GNAO1: variants seen among roughly 807,000 people sequenced by gnomAD.
GNAO1 encodes G protein subunit alpha o1, also known as guanine nucleotide-binding protein G(o) subunit alpha.
For missense variants in GNAO1, 166 were observed against 478.7 expected (o/e 0.35, Z 6.10); for synonymous variants, 164 against 180.7 (o/e 0.91, Z 0.74).
intron 2 of GNAO1, among the ~76,000 whole-genome samples, chr16:56,252,715 AC>A (rs2036810544): frequency 6.6e-6 from 1 of 151,968 alleles, no homozygotes; most frequent in Non-Finnish European, 1.5e-5. Context: ...GCTCATCCAC[AC>A]CCCCACATCA....
intron 3 of GNAO1, among the ~76,000 whole-genome samples, chr16:56,299,379 G>A (rs1255086673): frequency 6.6e-6 from 1 of 152,248 alleles, no homozygotes; most frequent in Non-Finnish European, 1.5e-5. Context: ...CCTCCGATCT[G>A]CTGCGTCTAA....
chr16:56,343,973 C>T, intron 6 of GNAO1: 1 of 1,608,770 alleles, frequency 6.2e-7, no homozygotes, highest in Non-Finnish European at 8.5e-7. Context: ...TGCCCGGCAC[C>T]CTTGCCCTGC....
intron 2 of GNAO1, among the ~76,000 whole-genome samples, chr16:56,196,362 T>C (rs1320630403): frequency 6.6e-6 from 1 of 152,212 alleles, no homozygotes; most frequent in Admixed American, 6.5e-5. Flanking sequence ...CCTCATCATT[T>C]TGTAGTCAGT....
At chr16:56,317,065 A>G (rs2037518719) in intron 3 of GNAO1, among the ~76,000 whole-genome samples, 1 of 152,204 alleles carries the variant, frequency 6.6e-6, no homozygotes, top group African/African-American at 2.4e-5. Flanking sequence ...CTTCTCAGTC[A>G]TTGGAAGATC....
intron 2 of GNAO1, among the ~76,000 whole-genome samples, chr16:56,231,360 T>C (rs1196084470): frequency 6.6e-6 from 1 of 152,212 alleles, no homozygotes; most frequent in East Asian, 1.9e-4. Flanking sequence ...CACCCTGTCT[T>C]AAATAGCAGT....
chr16:56,269,567 A>T (rs1464796395), intron 2 of GNAO1, among the ~76,000 whole-genome samples: 1 of 152,200 alleles, frequency 6.6e-6, no homozygotes, highest in Non-Finnish European at 1.5e-5. Flanking sequence ...CCAGGAACAG[A>T]TGCGGAAACA....
Position 56,192,301 on chromosome 16 carries a change from C to T in GNAO1, c.66C>T (p.Asn22=), listed in dbSNP as rs1215228286. 2 of 1,611,756 alleles carry T rather than the reference C, an allele frequency of 1.2e-6. No homozygotes were observed. The highest frequency in any genetic ancestry group is 1.1e-5 in the South Asian group (1 of 90,992). ...ALERSKAIEK[N]LKEDGISAAK... ...AGCGGAGCAAGGCGATTGAGAAAAACCTCAAAGAGGATGGCATCAGCGCCG... is the reference window on the plus strand; with the variant it reads ...AGCGGAGCAAGGCGATTGAGAAAAATCTCAAAGAGGATGGCATCAGCGCCG... The change falls in exon 1 of 9, where the codon AAC becomes AAT. Residue 22 remains asparagine, a synonymous_variant. Coordinates refer to ENST00000262493, the MANE Select transcript of GNAO1 (RefSeq NM_020988.3).
At chr16:56,305,314 A>G (rs9927506) in intron 3 of GNAO1, among the ~76,000 whole-genome samples, 5,132 of 152,348 alleles carry the variant, frequency 0.034, 221 homozygotes, top group African/African-American at 0.09. Context: ...ACAGTCATCA[A>G]GGAAACAAAC....
At chr16:56,196,588 G>A (rs1468542663) in intron 2 of GNAO1, among the ~76,000 whole-genome samples, 2 of 152,160 alleles carry the variant, frequency 1.3e-5, no homozygotes, top group Non-Finnish European at 2.9e-5. Context: ...AATGGACTGC[G>A]GAATTGCTCT....
chr16:56,256,817 C>T (rs1202316622), intron 2 of GNAO1, among the ~76,000 whole-genome samples: 1 of 151,736 alleles, frequency 6.6e-6, no homozygotes, highest in Non-Finnish European at 1.5e-5. Flanking sequence ...CACTAACACT[C>T]CCCATTACTC....
chr16:56,220,287 C>T (rs1381225262), intron 2 of GNAO1, among the ~76,000 whole-genome samples: 1 of 152,170 alleles, frequency 6.6e-6, no homozygotes, highest in Non-Finnish European at 1.5e-5. Flanking sequence ...CCCACGTATG[C>T]TGTTTCCTCC....
At chr16:56,297,972 C>T (rs1364165612) in intron 3 of GNAO1, among the ~76,000 whole-genome samples, 1 of 151,892 alleles carries the variant, frequency 6.6e-6, no homozygotes, top group Non-Finnish European at 1.5e-5. Context: ...AGTTTGAGAC[C>T]AGCCTGGGAA....
At chr16:56,336,049 T>C (rs2037737129) in intron 5 of GNAO1, among the ~76,000 whole-genome samples, 1 of 152,146 alleles carries the variant, frequency 6.6e-6, no homozygotes, top group Non-Finnish European at 1.5e-5. Flanking sequence ...CTCTGGGGAT[T>C]GGGGTGGGAG....
chr16:56,292,255 A>G (rs748745913), intron 3 of GNAO1, among the ~76,000 whole-genome samples: 4 of 152,210 alleles, frequency 2.6e-5, no homozygotes, highest in Non-Finnish European at 4.4e-5. Flanking sequence ...CCCTGTGCCC[A>G]CGTGCTGGAT....
intron 2 of GNAO1, among the ~76,000 whole-genome samples, chr16:56,239,418 C>T (rs983395432): frequency 6.6e-6 from 1 of 152,232 alleles, no homozygotes; most frequent in Non-Finnish European, 1.5e-5. Context: ...GGGTCACTGT[C>T]TGCCTCCTCA....
rs537184770 is a variant in GNAO1, at chr16:56,203,982, A to C, written c.161+11366A>C. Among the ~76,000 whole-genome samples, 5 of 152,330 alleles carry C rather than the reference A, an allele frequency of 3.3e-5. No individual in the cohort carries two copies. The East Asian group carries it at 9.6e-4, about 29-fold the overall frequency. On this transcript the variant is annotated intron_variant, in intron 2 of 8. Coordinates refer to ENST00000262493, the MANE Select transcript of GNAO1 (RefSeq NM_020988.3). ...CAAGTCAGGAGAGCCTACCAGTAGGAGGCCAGAGATGAGGCTTTAGAGCAA... is the reference window on the plus strand; with the variant it reads ...CAAGTCAGGAGAGCCTACCAGTAGGCGGCCAGAGATGAGGCTTTAGAGCAA...
rs1382854291 is a variant in GNAO1 at position 56,310,113 on chromosome 16, C to T, written c.304-18518C>T. The stretch of plus-strand genomic sequence containing the variant: ...GATCACTTGAGGCCAAGAAGACCAG[C>T]GTGGGCAACATAGTGAGACCCCATT... On this transcript the variant is annotated intron_variant, in intron 3 of 8. Transcript: ENST00000262493. 8.6e-5 allele frequency among the ~76,000 whole-genome samples: 13 copies of T among 151,014 alleles called. No individual in the cohort carries two copies. In the East Asian group the frequency reaches 1.8e-3, roughly 20 times the overall value.
chr16:56,245,359 G>T (rs920035399), intron 2 of GNAO1, among the ~76,000 whole-genome samples: 5 of 152,182 alleles, frequency 3.3e-5, no homozygotes, highest in Non-Finnish European at 5.9e-5. Flanking sequence ...GCTTGGCTGG[G>T]GTAACGCTCA....
At chr16:56,293,638 A>T (rs2037254978) in intron 3 of GNAO1, among the ~76,000 whole-genome samples, 1 of 152,184 alleles carries the variant, frequency 6.6e-6, no homozygotes, top group South Asian at 2.1e-4. Flanking sequence ...CTACTTTTGT[A>T]GTTGCATATC....
Sources: gnomAD v4.1 joint callset for allele counts (sites outside exome capture counted in the v4.1 genomes callset) on GRCh38, gnomAD v4.1.1 for gene constraint, MANE v1.5 for transcripts, NCBI Gene and HGNC (gene_info 2026-07-23, HGNC 2026-07-21) for gene names.